Variants in RYR2 observed in about 807,000 individuals in gnomAD.
RYR2 encodes the protein cardiac muscle ryanodine receptor-calcium release channel.
In RYR2, 227 loss-of-function variants were observed where a neutral mutation model predicts 601.1. That is an observed-to-expected ratio of 0.38 (90% CI 0.34 to 0.42). The LOEUF is 0.42. Among genes scored for constraint, RYR2 ranks in the 10% least tolerant of loss-of-function variants. RYR2 has a pLI of 1.00. For missense variants in RYR2, 4,646 were observed against 6,156.5 expected, an observed-to-expected ratio of 0.75 and a Z score of 8.21; for synonymous variants, 2,223 against 2,175.1, an observed-to-expected ratio of 1.02 and a Z score of -0.61.
chr1:237,072,961 A>C (rs896457662), intron 1 of RYR2, among the ~76,000 whole-genome samples: 3 of 151,324 alleles, frequency 2.0e-5, no homozygotes, highest in African/African-American at 7.3e-5. Context: ...AAAAAAAAAA[A>C]AAACAAAAAC....
intron 25 of RYR2, among the ~76,000 whole-genome samples, chr1:237,535,426 A>G (rs1668506661): frequency 6.6e-6 from 1 of 152,054 alleles, no homozygotes; most frequent in Non-Finnish European, 1.5e-5. Context: ...AACTGATCCA[A>G]TAAGAAAGAA....
At chr1:237,444,403 CACTCATTTTTTA>C (rs1344909796) in intron 13 of RYR2, among the ~76,000 whole-genome samples, 2 of 152,046 alleles carry the variant, frequency 1.3e-5, no homozygotes, top group Non-Finnish European at 2.9e-5. Context: ...ATCTGTGTCT[CACTCATTTTTTA>C]TATAAGGAGT....
At chr1:237,435,730 GA>G (rs562641557) in intron 12 of RYR2, among the ~76,000 whole-genome samples, 21 of 152,202 alleles carry the variant, frequency 1.4e-4, no homozygotes, top group Non-Finnish European at 2.6e-4. Context: ...GTTGTCTCAG[GA>G]AAAAATAGAT....
chr1:237,070,553 C>T (rs888388258), intron 1 of RYR2, among the ~76,000 whole-genome samples: 17 of 152,162 alleles, frequency 1.1e-4, no homozygotes, highest in African/African-American at 3.6e-4. Context: ...GGTGCCTCTG[C>T]TTGGGTTTTG....
At chr1:237,075,118 T>C (rs1305179258) in intron 1 of RYR2, among the ~76,000 whole-genome samples, 2 of 152,192 alleles carry the variant, frequency 1.3e-5, no homozygotes, top group Non-Finnish European at 2.9e-5. Context: ...GAATTTAAAA[T>C]CTGAGCCTCT....
In RYR2 at chr1:237,180,597, AGTATATATAT is replaced by A. The variant is rs1405776988; in HGVS notation, c.49-89891_49-89882del. 1.1e-4 allele frequency among the ~76,000 whole-genome samples: 13 copies of A among 120,228 alleles called. No individual in the cohort carries two copies. The Admixed American group carries it at 1.2e-3, about 11-fold the overall frequency. 78.9% of individuals were successfully genotyped at this position (120,228 alleles called of 152,430 possible). ...GTGTGTGTGTATATATGTATATATA[AGTATATATAT>A]GTATATATGTATATATGTATATGTG... On this transcript the variant is annotated intron_variant, in intron 1 of 104. Coordinates refer to ENST00000366574, the MANE Select transcript of RYR2 (RefSeq NM_001035.3). This position sits in a 1 kb window ranked among gnomAD's most constrained non-coding sequence, Gnocchi z 5.3.
At chr1:237,515,969 TCTC>T (rs758079825) in intron 24 of RYR2, among the ~76,000 whole-genome samples, 12 of 144,844 alleles carry the variant, frequency 8.3e-5, no homozygotes, top group Middle Eastern at 3.6e-3. Context: ...TTCTCGCTCT[TCTC>T]CTTCTTCTCC....
At chr1:237,110,116 C>T (rs1328281422) in intron 1 of RYR2, among the ~76,000 whole-genome samples, 1 of 151,976 alleles carries the variant, frequency 6.6e-6, no homozygotes, top group Non-Finnish European at 1.5e-5. Flanking sequence ...GTTTTCTCTA[C>T]TGCTGACTTT....
intron 27 of RYR2, among the ~76,000 whole-genome samples, chr1:237,556,777 A>G (rs1205421262): frequency 6.6e-6 from 1 of 151,684 alleles, no homozygotes; most frequent in Non-Finnish European, 1.5e-5. Flanking sequence ...AAGAGTCATA[A>G]CACAGGGGGT....
intron 52 of RYR2, among the ~76,000 whole-genome samples, chr1:237,654,625 A>G (rs968151040): frequency 6.6e-6 from 1 of 152,204 alleles, no homozygotes; most frequent in Non-Finnish European, 1.5e-5. Flanking sequence ...TGTGATCATA[A>G]CACTGTTTCT....
chr1:237,460,490 C>T (rs938305312), intron 16 of RYR2, among the ~76,000 whole-genome samples: 1 of 152,218 alleles, frequency 6.6e-6, no homozygotes, highest in Admixed American at 6.5e-5. Flanking sequence ...GTTGACTCAT[C>T]TACTTCCTCA....
At chr1:237,199,662 G>T (rs768313149) in intron 1 of RYR2, among the ~76,000 whole-genome samples, 3 of 152,080 alleles carry the variant, frequency 2.0e-5, no homozygotes, top group Non-Finnish European at 2.9e-5. Flanking sequence ...ACAATACTTT[G>T]CATCCTTCAG....
At position 237,819,107 on chromosome 1, in the gene RYR2, A is replaced by T; in HGVS notation, c.14505A>T (p.Ala4835=). The stretch of plus-strand genomic sequence containing the variant: ...TCGGGGATGAAATCGAAGACCCAGC[A>T]GGAGATGAATATGAGATCTATCGAA... ...GGIGDEIEDP[A]GDEYEIYRII... The change falls in exon 101 of 105, where the codon GCA becomes GCT. Residue 4835 remains alanine (A), a synonymous_variant. Transcript: ENST00000366574. The surrounding 1 kb of genome is among the most constrained non-coding windows in gnomAD (Gnocchi z 4.0). 1 of 1,613,754 alleles carries T rather than the reference A, an allele frequency of 6.2e-7. No individual in the cohort carries two copies. The highest frequency in any genetic ancestry group is 8.5e-7 in the Non-Finnish European group (1 of 1,179,660).
At chr1:237,100,095 AT>A (rs1357078080) in intron 1 of RYR2, among the ~76,000 whole-genome samples, 1 of 152,002 alleles carries the variant, frequency 6.6e-6, no homozygotes, top group Admixed American at 6.6e-5. Context: ...GTTAGCTTCT[AT>A]TTTTCTTAGG....
intron 10 of RYR2, among the ~76,000 whole-genome samples, chr1:237,398,586 A>G (rs767174330): frequency 2.6e-5 from 4 of 152,344 alleles, no homozygotes; most frequent in Non-Finnish European, 2.9e-5. Context: ...GAATGACTCA[A>G]ACAAAAATAT....
At chr1:237,814,631 AC>A (rs1157883157) in intron 100 of RYR2, among the ~76,000 whole-genome samples, 2 of 151,812 alleles carry the variant, frequency 1.3e-5, no homozygotes, top group African/African-American at 4.8e-5. Context: ...TAGAATTTGA[AC>A]CTCCTCTACA....
intron 2 of RYR2, among the ~76,000 whole-genome samples, chr1:237,280,811 G>C (rs1294826662): frequency 6.7e-6 from 1 of 149,536 alleles, no homozygotes. Context: ...CTGAGATGGA[G>C]TCTCACTCTG....
chr1:237,706,469 G>T (rs143203624), intron 67 of RYR2, among the ~76,000 whole-genome samples: 354 of 152,268 alleles, frequency 2.3e-3, no homozygotes, highest in African/African-American at 8.1e-3. Context: ...TTGTTCCTGA[G>T]GACGGAGAGT....
At chr1:237,672,173 C>T (rs1443545391) in intron 58 of RYR2, among the ~76,000 whole-genome samples, 7 of 152,284 alleles carry the variant, frequency 4.6e-5, no homozygotes, top group South Asian at 2.1e-4. Flanking sequence ...CAGATCCCTT[C>T]GCCATCTAGT....
Sources: allele counts gnomAD v4.1 joint callset (sites outside exome capture counted in the v4.1 genomes callset), GRCh38; gene constraint gnomAD v4.1.1; non-coding constraint Gnocchi (gnomAD v3.1); transcripts MANE v1.5; gene names NCBI Gene and HGNC (gene_info 2026-07-23, HGNC 2026-07-21).